Variants in ADCY2 observed in about 807,000 individuals in gnomAD.
ADCY2 encodes adenylate cyclase type 2.
Under a neutral mutation model 125.2 loss-of-function variants are expected in ADCY2, and 31 were observed. The observed-to-expected ratio is 0.25, with a 90% CI of 0.19 to 0.33. ADCY2 has a LOEUF of 0.33. Ranked by LOEUF, ADCY2 falls within the 10% of genes least tolerant of loss-of-function variation. ADCY2 has a pLI of 1.00. For missense variants in ADCY2, 904 were observed against 1,418.2 expected (o/e 0.64, Z 5.82); for synonymous variants, 512 against 548.4 (o/e 0.93, Z 0.93).
intron 15 of ADCY2, among the ~76,000 whole-genome samples, chr5:7,751,140 A>G (rs1347215088): frequency 6.6e-6 from 1 of 152,022 alleles, no homozygotes; most frequent in Non-Finnish European, 1.5e-5. Flanking sequence ...TTAGTTTTTA[A>G]TTTCAATATC....
At chr5:7,532,483 G>T (rs957963306) in intron 3 of ADCY2, among the ~76,000 whole-genome samples, 2 of 152,110 alleles carry the variant, frequency 1.3e-5, no homozygotes, top group African/African-American at 4.8e-5. Flanking sequence ...TGTTCCTCCA[G>T]GAAGAAAAGA....
rs544104361 is a variant in ADCY2, at chr5:7,498,393, C to T, written c.409-22345C>T. 1.9e-3 allele frequency among the ~76,000 whole-genome samples: 286 copies of T among 151,864 alleles called. 1 individual carries two copies. The highest frequency in any genetic ancestry group is 6.7e-3 in the African/African-American group (276 of 41,426). ...CCTCCCAAGTAGCTGGGACTACAGG[C>T]GCCCCCCACCGCACCTGGCTAATTT... On this transcript the variant is annotated intron_variant, in intron 2 of 24. Coordinates refer to ENST00000338316, the MANE Select transcript of ADCY2 (RefSeq NM_020546.3).
At chr5:7,678,651 C>T (rs897455182) in intron 4 of ADCY2, among the ~76,000 whole-genome samples, 23 of 152,314 alleles carry the variant, frequency 1.5e-4, no homozygotes, top group African/African-American at 5.1e-4. Context: ...AGTGTATTTA[C>T]TTTTCTGCTG....
At chr5:7,721,693 G>C (rs965626686) in intron 12 of ADCY2, among the ~76,000 whole-genome samples, 1 of 152,194 alleles carries the variant, frequency 6.6e-6, no homozygotes, top group African/African-American at 2.4e-5. Context: ...GTTTGTCAAA[G>C]ATCAGATGGT....
intron 3 of ADCY2, among the ~76,000 whole-genome samples, chr5:7,566,872 G>A (rs11134243): frequency 0.58 from 87,532 of 151,628 alleles, 26,930 homozygotes; most frequent in Non-Finnish European, 0.7. Flanking sequence ...GGCCTGGGGG[G>A]GAGGTATTAA....
Position 7,802,452 on chromosome 5 carries a change from C to A in ADCY2, c.2775+88C>A. 6.9e-7 allele frequency: 1 copy of A among 1,446,080 alleles called. No homozygotes were observed. Among genetic ancestry groups the A allele is most frequent in the Non-Finnish European group, 9.2e-7 (1 of 1,081,598 alleles). The allele number at this position is 1,446,080 out of a possible 1,614,324, so 89.6% of individuals were successfully genotyped here. ...AAGTTACTTCAGGATAGTGGCCTAT[C>A]CCAAAAAAACTTGTCCTTTGGCATA... On this transcript the variant is annotated intron_variant, in intron 21 of 24. Transcript: ENST00000338316. This position sits in a 1 kb window ranked among gnomAD's most constrained non-coding sequence, Gnocchi z 4.6.
At chr5:7,577,136 C>T (rs922360318) in intron 3 of ADCY2, among the ~76,000 whole-genome samples, 1 of 152,036 alleles carries the variant, frequency 6.6e-6, no homozygotes, top group African/African-American at 2.4e-5. Flanking sequence ...ATTGGATATT[C>T]GAAACATTAG....
Position 7,502,354 on chromosome 5 carries a change from C to T in ADCY2, c.409-18384C>T, listed in dbSNP as rs183879849. On this transcript the variant is annotated intron_variant, in intron 2 of 24. Coordinates refer to ENST00000338316, the MANE Select transcript of ADCY2 (RefSeq NM_020546.3). The stretch of plus-strand genomic sequence containing the variant: ...GAGCAGCCCCTGCTATGGACACTTT[C>T]GTCAGCCAGTGATGACCAAACCCCT... Among the ~76,000 whole-genome samples the T allele has an allele frequency of 1.2e-3, 186 of 152,236 alleles. 2 individuals carry two copies. The highest frequency in any genetic ancestry group is 4.6e-3 in the Admixed American group (70 of 15,292).
At chr5:7,791,454 A>C (rs935536099) in intron 20 of ADCY2, among the ~76,000 whole-genome samples, 20 of 152,192 alleles carry the variant, frequency 1.3e-4, no homozygotes, top group African/African-American at 4.8e-4. Flanking sequence ...ATTAAGAAGA[A>C]GGTGCCAGGT....
chr5:7,403,646 A>G (rs1739350963), intron 1 of ADCY2, among the ~76,000 whole-genome samples: 1 of 152,136 alleles, frequency 6.6e-6, no homozygotes, highest in Admixed American at 6.5e-5. Context: ...TCTATCCTCA[A>G]ATGTAAACTT....
Position 7,588,345 on chromosome 5 carries a change from C to G in ADCY2, c.571-37822C>G, listed in dbSNP as rs147109440. Among the ~76,000 whole-genome samples the G allele has an allele frequency of 4.6e-5, 7 of 152,244 alleles. No individual in the cohort carries two copies. In the East Asian group the frequency reaches 1.4e-3, roughly 29 times the overall value. On this transcript the variant is annotated intron_variant, in intron 3 of 24. Coordinates refer to ENST00000338316, the MANE Select transcript of ADCY2 (RefSeq NM_020546.3). Reference sequence around the variant, plus strand: ...TGGGTGGAAATATTACATATTACAACAAGGCCAATCTTTGCTAGATTTATT... The same window carrying G: ...TGGGTGGAAATATTACATATTACAAGAAGGCCAATCTTTGCTAGATTTATT...
In ADCY2 at chr5:7,447,464, C is replaced by T. The variant is rs527939534; in HGVS notation, c.408+32694C>T. 2.7e-4 allele frequency among the ~76,000 whole-genome samples: 41 copies of T among 152,294 alleles called. 1 individual carries two copies. Among genetic ancestry groups the T allele is most frequent in the African/African-American group, 8.2e-4 (34 of 41,572 alleles). ...GGTTCAGGGAATTGAGATCCTGGAC[C>T]TCAGGGCCTGTCCAGCTCTGTGCTG... On this transcript the variant is annotated intron_variant, in intron 2 of 24. Coordinates refer to ENST00000338316, the MANE Select transcript of ADCY2 (RefSeq NM_020546.3).
chr5:7,752,220 G>A (rs1376711441), intron 15 of ADCY2, among the ~76,000 whole-genome samples: 1 of 152,196 alleles, frequency 6.6e-6, no homozygotes, highest in Non-Finnish European at 1.5e-5. Flanking sequence ...AATAATCAAA[G>A]TACACATCAC....
intron 1 of ADCY2, among the ~76,000 whole-genome samples, chr5:7,408,657 C>T (rs771672948): frequency 1.1e-4 from 17 of 152,078 alleles, no homozygotes; most frequent in Admixed American, 9.2e-4. Flanking sequence ...CGTGAGCCAC[C>T]GTGCCTAGCC....
chr5:7,675,451 T>C (rs1481059256), intron 4 of ADCY2, among the ~76,000 whole-genome samples: 1 of 152,136 alleles, frequency 6.6e-6, no homozygotes, highest in African/African-American at 2.4e-5. Flanking sequence ...GTGAAAGAGT[T>C]ACAGAATAAT....
At chr5:7,649,689 C>T (rs1447993177) in intron 4 of ADCY2, among the ~76,000 whole-genome samples, 1 of 152,194 alleles carries the variant, frequency 6.6e-6, no homozygotes, top group East Asian at 1.9e-4. Flanking sequence ...ACCGTCTACA[C>T]ACTAATAACT....
intron 15 of ADCY2, among the ~76,000 whole-genome samples, chr5:7,753,130 C>CTCATG (rs764122402): frequency 2.0e-5 from 3 of 152,078 alleles, no homozygotes; most frequent in Non-Finnish European, 4.4e-5. Flanking sequence ...AACTCCTGAC[C>CTCATG]TCATGATCTG....
chr5:7,448,441 G>T (rs1363620300), intron 2 of ADCY2, among the ~76,000 whole-genome samples: 2 of 152,054 alleles, frequency 1.3e-5, no homozygotes, highest in Non-Finnish European at 2.9e-5. Flanking sequence ...AACAGCTGTA[G>T]GTGTGTTGGT....
intron 3 of ADCY2, among the ~76,000 whole-genome samples, chr5:7,552,550 G>A (rs1349907000): frequency 6.6e-6 from 1 of 152,124 alleles, no homozygotes; most frequent in Non-Finnish European, 1.5e-5. Flanking sequence ...ATACAGTAAC[G>A]TTAGTCTTGT....
Sources: gnomAD v4.1 joint callset for allele counts (sites outside exome capture counted in the v4.1 genomes callset) on GRCh38, gnomAD v4.1.1 for gene constraint, Gnocchi (gnomAD v3.1) non-coding constraint, MANE v1.5 for transcripts, NCBI Gene and HGNC (gene_info 2026-07-23, HGNC 2026-07-21) for gene names.